ARHGEF18: variants seen among roughly 807,000 people sequenced by gnomAD.
The protein encoded by ARHGEF18 is Rho/Rac guanine nucleotide exchange factor 18, also known as rho guanine nucleotide exchange factor 18.
A neutral mutation model predicts 155.7 loss-of-function variants in ARHGEF18; 93 were observed. That is an observed-to-expected ratio of 0.60 (90% CI 0.50 to 0.71). ARHGEF18 has a LOEUF of 0.71. ARHGEF18 is among the 30% of genes least tolerant of loss of function. ARHGEF18 has a pLI of 0.00. For synonymous variants in ARHGEF18, 742 were observed against 753.1 expected (o/e 0.99, Z 0.24); for missense variants, 1,593 against 1,816.1 (o/e 0.88, Z 2.23).
In ARHGEF18 at chr19:7,441,565, A is replaced by T; in HGVS notation, c.1107-88A>T. On this transcript the variant is annotated intron_variant, in intron 11 of 28. Transcript: ENST00000668164. ...GAGTTCTCAGAGAGTATCGAATCGG[A>T]TGGAGTCACCGATGTGCCTTTGTTG... 8 of 937,804 alleles carry T rather than the reference A, an allele frequency of 8.5e-6. No homozygotes were observed. The South Asian group carries it at 1.1e-4, about 13-fold the overall frequency. 58.1% of individuals were successfully genotyped at this position (937,804 alleles called of 1,614,324 possible). A position where few individuals can be genotyped will look rare whatever the true frequency, so the allele number is the denominator to read the frequency against.
chr19:7,473,638 C>T (rs1236320126), downstream of ARHGEF18, among the ~76,000 whole-genome samples: 2 of 151,918 alleles, frequency 1.3e-5, no homozygotes, highest in Non-Finnish European at 2.9e-5. Flanking sequence ...GGTGAAACCC[C>T]GTCTCAACTA....
At chr19:7,401,308 C>T (rs1972010795) in intron 10 of ARHGEF18, among the ~76,000 whole-genome samples, 1 of 152,056 alleles carries the variant, frequency 6.6e-6, no homozygotes, top group South Asian at 2.1e-4. Flanking sequence ...GGTTTTGAGT[C>T]AGGGTCTTGC....
chr19:7,379,603 TG>T (rs570699381), intron 7 of ARHGEF18, among the ~76,000 whole-genome samples: 51 of 151,500 alleles, frequency 3.4e-4, no homozygotes, highest in Middle Eastern at 3.4e-3. Flanking sequence ...GGAAGAAAAA[TG>T]GGGCAGAAGA....
rs202109386 is a variant in ARHGEF18 at position 7,460,008 on chromosome 19, A to G, written c.2452+14A>G. The G allele has an allele frequency of 9.6e-6, 15 of 1,560,880 alleles. No homozygotes were observed. The Admixed American group carries it at 2.9e-4, about 30-fold the overall frequency. On this transcript the variant is annotated intron_variant, in intron 20 of 28. Coordinates refer to ENST00000668164, the MANE Select transcript of ARHGEF18 (RefSeq NM_001367823.1). ...GGGACTTTCAAGGTGAGCGGGAGAC[A>G]GCGTCTGGGCACACCCCTTGTGTGG...
At chr19:7,414,778 C>T (rs1198271046) in intron 10 of ARHGEF18, among the ~76,000 whole-genome samples, 2 of 150,996 alleles carry the variant, frequency 1.3e-5, no homozygotes, top group African/African-American at 2.4e-5. Flanking sequence ...CATTGCACTC[C>T]AGCCTGGCGA....
Position 7,464,597 on chromosome 19 carries a change from C to T in ARHGEF18, c.2811C>T (p.Pro937=). ...SFKKKVSSTD[P]RPRDWRGPPN... The stretch of plus-strand genomic sequence containing the variant: ...AGAAGAAAGTCAGCAGCACTGACCC[C>T]AGGCCCCGAGACTGGCGAGGCCCCC... The change falls in exon 23 of 29, where the codon CCC becomes CCT. Residue 937 remains proline, a synonymous_variant. Coordinates refer to ENST00000668164, the MANE Select transcript of ARHGEF18 (RefSeq NM_001367823.1). The T allele has an allele frequency of 6.2e-7, 1 of 1,613,876 alleles. No homozygotes were observed. Among genetic ancestry groups the T allele is most frequent in the Non-Finnish European group, 8.5e-7 (1 of 1,179,950 alleles).
At chr19:7,372,325 G>A (rs187088674) in intron 2 of ARHGEF18, among the ~76,000 whole-genome samples, 28 of 152,210 alleles carry the variant, frequency 1.8e-4, no homozygotes, top group Admixed American at 1.3e-3. Context: ...AGGATGGGCC[G>A]GGTGGGAGAG....
rs1183367586 is a variant in ARHGEF18, at chr19:7,354,547, A to T, written c.-111+5306A>T. On this transcript the variant is annotated intron_variant, in intron 1 of 28. Coordinates refer to ENST00000668164, the MANE Select transcript of ARHGEF18 (RefSeq NM_001367823.1). The stretch of plus-strand genomic sequence containing the variant: ...CGCTGATAAAGGAGCTTCCACCACG[A>T]GGGGGCAGCACCTGCACGGATGAGC... Among the ~76,000 whole-genome samples the T allele has an allele frequency of 3.9e-5, 6 of 152,238 alleles. No homozygotes were observed. The East Asian group carries it at 9.7e-4, about 25-fold the overall frequency.
At position 7,467,355 on chromosome 19, in the gene ARHGEF18, G is replaced by A. The variant is rs1390680373; in HGVS notation, c.3151G>A (p.Glu1051Lys). Residue 1051 changes from glutamate to lysine, a missense_variant, in exon 26 of 29, where the codon GAG becomes AAG. Glu to Lys is a moderately conservative substitution (Grantham distance 56, BLOSUM62 1). Transcript: ENST00000668164. Reference sequence around the variant, plus strand: ...GCAACGCAACTTCGAGAAGCAGCGGGAGGAGCGCGCGGCCCTGGAGAAGCT... The same window carrying A: ...GCAACGCAACTTCGAGAAGCAGCGGAAGGAGCGCGCGGCCCTGGAGAAGCT... The part of the protein sequence containing the change: ...ERQRNFEKQR[E>K]ERAALEKLQS... The A allele has an allele frequency of 6.5e-7, 1 of 1,536,110 alleles. No homozygotes were observed. Among genetic ancestry groups the A allele is most frequent in the Non-Finnish European group, 8.7e-7 (1 of 1,146,540 alleles).
In ARHGEF18 at chr19:7,453,492, G is replaced by C. The variant is rs764799241; in HGVS notation, c.1881G>C (p.Leu627=). ...CTGGCACTGAGGACTATGAAGACCT[G>C]ACCCAGGCCTTGAACCTCATCAAAG... ...TEAGTEDYED[L]TQALNLIKDI... The change falls in exon 17 of 29, where the codon CTG becomes CTC. Residue 627 remains leucine, a synonymous_variant. Coordinates refer to ENST00000668164, the MANE Select transcript of ARHGEF18 (RefSeq NM_001367823.1). 1 of 1,611,406 alleles carries C rather than the reference G, an allele frequency of 6.2e-7. No individual in the cohort carries two copies. The highest frequency in any genetic ancestry group is 8.5e-7 in the Non-Finnish European group (1 of 1,178,046).
chr19:7,451,705 C>G (rs948491398), intron 16 of ARHGEF18, among the ~76,000 whole-genome samples: 2 of 151,922 alleles, frequency 1.3e-5, no homozygotes, highest in African/African-American at 4.8e-5. Flanking sequence ...CATGAGCCAT[C>G]ACATCTGGCC....
chr19:7,387,951 C>T (rs759962366), intron 10 of ARHGEF18, among the ~76,000 whole-genome samples: 17 of 98,716 alleles, frequency 1.7e-4, no homozygotes, highest in Admixed American at 6.8e-4. Flanking sequence ...AGGCATGAGC[C>T]ACCGTGTCTG....
intron 10 of ARHGEF18, among the ~76,000 whole-genome samples, chr19:7,432,218 G>A (rs1380462214): frequency 6.6e-6 from 1 of 152,122 alleles, no homozygotes; most frequent in Non-Finnish European, 1.5e-5. Flanking sequence ...GAAAAGGCAG[G>A]AACTGTGAAC....
chr19:7,439,631 C>T, intron 10 of ARHGEF18: 2 of 1,077,386 alleles, frequency 1.9e-6, no homozygotes, highest in South Asian at 3.4e-5. Context: ...AGAATCGGAG[C>T]CTCGCGTCCA....
At chr19:7,396,819 G>A (rs189066125) in intron 10 of ARHGEF18, among the ~76,000 whole-genome samples, 1 of 151,942 alleles carries the variant, frequency 6.6e-6, no homozygotes, top group Non-Finnish European at 1.5e-5. Flanking sequence ...CTAAGTTTCC[G>A]TCTTCCCATC....
intron 10 of ARHGEF18, among the ~76,000 whole-genome samples, chr19:7,386,524 G>A (rs564567870): frequency 2.6e-5 from 4 of 152,092 alleles, no homozygotes; most frequent in African/African-American, 7.2e-5. Flanking sequence ...TAGCCTCTCC[G>A]AATTGGTGAC....
chr19:7,370,705 G>A (rs1970164285), intron 2 of ARHGEF18, among the ~76,000 whole-genome samples: 1 of 151,980 alleles, frequency 6.6e-6, no homozygotes, highest in African/African-American at 2.4e-5. Context: ...GAATAAATGC[G>A]ATGTGATCCA....
At chr19:7,363,831 G>A (rs907325224) in intron 2 of ARHGEF18, among the ~76,000 whole-genome samples, 2 of 151,486 alleles carry the variant, frequency 1.3e-5, no homozygotes, top group Non-Finnish European at 2.9e-5. Flanking sequence ...TGAATGGATG[G>A]ATGAGAAGAA....
chr19:7,473,503 C>T (rs73488435), downstream of ARHGEF18: 15,827 of 343,936 alleles, frequency 0.046, 621 homozygotes, highest in African/African-American at 0.11. Flanking sequence ...AACCCCTTCA[C>T]AGAAAAATTA....
Sources: allele counts gnomAD v4.1 joint callset (sites outside exome capture counted in the v4.1 genomes callset), GRCh38; gene constraint gnomAD v4.1.1; transcripts MANE v1.5; gene names NCBI Gene and HGNC (gene_info 2026-07-23, HGNC 2026-07-21).